GFAP: variants seen among roughly 807,000 people sequenced by gnomAD.
The protein encoded by GFAP is glial fibrillary acidic protein, also known as intermediate filament protein.
In GFAP, 38 loss-of-function variants were observed where a neutral mutation model predicts 49.3. The ratio of observed to expected loss-of-function variants is 0.77; its 90% CI spans 0.60 to 1.01. GFAP has a LOEUF of 1.01. Among genes scored for constraint, GFAP ranks in the 50% least tolerant of loss-of-function variants. The pLI is 0.00. For synonymous variants in GFAP, 222 were observed against 236.4 expected, an observed-to-expected ratio of 0.94 and a Z score of 0.56; for missense variants, 463 against 579.1, an observed-to-expected ratio of 0.80 and a Z score of 2.06.
In GFAP at chr17:44,904,077, A is replaced by G. The variant is rs1418773868; in HGVS notation, c.*3270T>C. 6.4e-7 allele frequency: 1 copy of G among 1,550,624 alleles called. No individual in the cohort carries two copies. Among genetic ancestry groups the G allele is most frequent in the South Asian group, 1.2e-5 (1 of 84,068 alleles). The stretch of plus-strand genomic sequence containing the variant: ...CACACCAAAGTGCTGACGGACTTTG[A>G]TGGGCGGGTGCTGACGGAGGCAGCC... On this transcript the variant is annotated 3_prime_UTR_variant, in exon 9 of 9. Transcript: ENST00000588735.
chr17:44,911,522 C>T (rs2051766408), intron 5 of GFAP, 66 bp from the exon 6 acceptor site: 1 of 1,538,206 alleles, frequency 6.5e-7, no homozygotes, highest in Non-Finnish European at 8.8e-7. Flanking sequence ...CGAGGCCCGG[C>T]CCCCGGCCCC....
chr17:44,913,459 G>A, intron 3 of GFAP, 29 bp from the exon 4 acceptor site: 2 of 1,604,550 alleles, frequency 1.2e-6, no homozygotes, highest in Non-Finnish European at 1.7e-6. Context: ...GCGGTACCAG[G>A]GCTCAGGGTA....
intron 5 of GFAP, 88 bp downstream of exon 5, chr17:44,911,584 G>C: frequency 6.3e-7 from 1 of 1,585,456 alleles, no homozygotes; most frequent in Admixed American, 1.7e-5. Context: ...CTCGACCCAG[G>C]TCCTCGTCCC....
chr17:44,904,604 T>C lies in GFAP; in HGVS notation c.*2743A>G, dbSNP rs2051622209. 7.1e-6 allele frequency: 11 copies of C among 1,550,466 alleles called. No homozygotes were observed. The East Asian group carries it at 2.7e-4, about 38-fold the overall frequency. Reference sequence around the variant, plus strand: ...GGAGGGCGTGCTGGCCATCATTAACTATGTGTCCAAAGTGGGCAGCCGGCC... The same window carrying C: ...GGAGGGCGTGCTGGCCATCATTAACCATGTGTCCAAAGTGGGCAGCCGGCC... On this transcript the variant is annotated 3_prime_UTR_variant, in exon 9 of 9. Transcript: ENST00000588735.
rs756953749 is a variant in GFAP at position 44,904,357 on chromosome 17, C to T, written c.*2990G>A. On this transcript the variant is annotated 3_prime_UTR_variant, in exon 9 of 9. Transcript: ENST00000588735. ...TCTTCACCACCTTCTGGGAATGGAC[C>T]CCCTGTGACCGCTGCGGAGTGCGTG... is the stretch of plus-strand genomic sequence containing the variant. The T allele has an allele frequency of 3.0e-5, 46 of 1,542,892 alleles. No homozygotes were observed. Among genetic ancestry groups the T allele is most frequent in the Admixed American group, 2.6e-4 (13 of 50,502 alleles).
chr17:44,908,179 T>C (rs1463714317), intron 7 of GFAP, 30 bp from the exon 8 acceptor site: 2 of 1,502,538 alleles, frequency 1.3e-6, no homozygotes, highest in South Asian at 2.3e-5. Context: ...AGGCCTCTCA[T>C]GGACTTTCAG....
chr17:44,911,441 T>C lies in GFAP; in HGVS notation c.922A>G (p.Arg308Gly). 5.6e-6 allele frequency: 9 copies of C among 1,609,296 alleles called. No homozygotes were observed. Among genetic ancestry groups the C allele is most frequent in the Non-Finnish European group, 7.6e-6 (9 of 1,178,290 alleles). The change falls in exon 6 of 9, where the codon AGG (arginine) becomes GGG (glycine). Residue 308 changes from arginine (R) to glycine (G), a missense_variant. Around this residue, in one of 3 missense-constraint regions of GFAP, gnomAD observed 362 missense variants for 445.5 expected, o/e 0.81. Transcript: ENST00000588735. ...CGCTCCTCCTGCTCGCGCATCTGCC[T>C]CTCCAGGGACTCGTTCTGTGGGATG... ...SLRGTNESLE[R>G]QMREQEERHV...
chr17:44,908,301 C>T (rs1410326388), intron 7 of GFAP, 152 bp from the exon 8 acceptor site: 20 of 511,644 alleles, frequency 3.9e-5, no homozygotes, highest in Non-Finnish European at 2.5e-5. Flanking sequence ...TCCAAACGGG[C>T]TGGAGAGCCC....
rs2051598116 is a variant in GFAP, at chr17:44,903,547, G to A, written c.*3800C>T. 1.5e-6 allele frequency: 2 copies of A among 1,351,996 alleles called. No individual in the cohort carries two copies. The highest frequency in any genetic ancestry group is 5.5e-5 in the East Asian group (2 of 36,204). 83.7% of individuals were successfully genotyped at this position (1,351,996 alleles called of 1,614,324 possible). A position where few individuals can be genotyped will look rare whatever the true frequency, so the allele number is the denominator to read the frequency against. ...GGTTTCCTTTGACCCATTCTTGGGT[G>A]AGCGCCAGTGTTCTAGAAAGGGGAG... On this transcript the variant is annotated 3_prime_UTR_variant, in exon 9 of 9. Transcript: ENST00000588735.
In GFAP at chr17:44,911,250, C is replaced by G; in HGVS notation, c.1113G>C (p.Glu371Asp). ...TGAGGGCTCACCGGTTCTCCTCGCC[C>G]TCTAGCAGCTTCCTGTAGGTGGCGA... ...IEIATYRKLL[E>D]GEENRITIPV... The change falls in exon 6 of 9, where the codon GAG becomes GAC. Residue 371 changes from glutamate to aspartate, a missense_variant. Physicochemically the swap from Glu to Asp is conservative, Grantham distance 45. Transcript: ENST00000588735. 6.2e-7 allele frequency: 1 copy of G among 1,613,990 alleles called. No individual in the cohort carries two copies. The highest frequency in any genetic ancestry group is 8.5e-7 in the Non-Finnish European group (1 of 1,179,938).
rs761291672 is a variant in GFAP at position 44,913,819 on chromosome 17, G to A, written c.527C>T (p.Ala176Val). The A allele has an allele frequency of 1.3e-5, 21 of 1,613,208 alleles. 1 individual carries two copies. In the South Asian group the frequency reaches 2.2e-4, roughly 17 times the overall value. The change falls in exon 3 of 9, where the codon GCA becomes GTA. Residue 176 changes from alanine to valine, a missense_variant. By Grantham distance (64) the Ala-to-Val change is moderately conservative. Coordinates refer to ENST00000588735, the MANE Select transcript of GFAP (RefSeq NM_002055.5). The part of the protein sequence containing the change: ...ENNLAAYRQE[A>V]DEATLARLDL... ...CAGACGGGCCAGGGTGGCTTCATCT[G>A]CTTCCTGGAGTGGCAGGAGGGGTGA...
At position 44,904,265 on chromosome 17, in the gene GFAP, ATGG is replaced by A. The variant is rs1434693650; in HGVS notation, c.*3079_*3081del. On this transcript the variant is annotated 3_prime_UTR_variant, in exon 9 of 9. Coordinates refer to ENST00000588735, the MANE Select transcript of GFAP (RefSeq NM_002055.5). ...TGTGGACATCCAGAACAGTGAGGGA[ATGG>A]TGGCCACTTTCCAGGACAAGGGCCA... The A allele has an allele frequency of 3.9e-6, 6 of 1,550,258 alleles. No individual in the cohort carries two copies. Among genetic ancestry groups the A allele is most frequent in the African/African-American group, 1.4e-5 (1 of 73,058 alleles).
At chr17:44,912,745 A>T (rs141821428) in intron 4 of GFAP, 1 of 206,032 alleles carries the variant, frequency 4.9e-6, no homozygotes, top group East Asian at 1.1e-4. Flanking sequence ...CTCTACGGGC[A>T]CTATGTTTGG....
At chr17:44,911,880 C>T (rs1432237418) in intron 4 of GFAP, 83 bp from the exon 5 acceptor site, 1 of 1,468,184 alleles carries the variant, frequency 6.8e-7, no homozygotes, top group Non-Finnish European at 9.3e-7. Context: ...GAGCAGCACC[C>T]CAGTTAACCC....
At chr17:44,914,287 A>T in intron 1 of GFAP, 199 bp from the exon 2 acceptor site, 1 of 589,632 alleles carries the variant, frequency 1.7e-6, no homozygotes, top group Non-Finnish European at 3.0e-6. Flanking sequence ...GCCTTAACTC[A>T]TTACTAAGGT....
chr17:44,914,181 C>T, intron 1 of GFAP, 93 bp from the exon 2 acceptor site: 2 of 854,626 alleles, frequency 2.3e-6, no homozygotes, highest in Non-Finnish European at 3.9e-6. Flanking sequence ...TCACAGAGAC[C>T]ACCCCCACCC....
Position 44,915,412 on chromosome 17 carries a change from C to T in GFAP, c.75G>A (p.Leu25=), listed in dbSNP as rs373554043. The T allele has an allele frequency of 6.2e-7, 1 of 1,607,348 alleles. No individual in the cohort carries two copies. The highest frequency in any genetic ancestry group is 8.5e-7 in the Non-Finnish European group (1 of 1,176,330). ...CAGGACCCAGACGGCGGCCAGGAGC[C>T]AGGCCCCCCACCATCATCTCCCCTG... ...VSSGEMMVGG[L]APGRRLGPGT... is the part of the protein sequence containing the mutation. Residue 25 remains leucine (L), a synonymous_variant, in exon 1 of 9, where the codon CTG becomes CTA. Transcript: ENST00000588735. This position sits in a 1 kb window ranked among gnomAD's most constrained non-coding sequence, Gnocchi z 4.1.
Position 44,907,157 on chromosome 17 carries a change from C to A in GFAP, c.*190G>T. 1 of 640,004 alleles carries A rather than the reference C, an allele frequency of 1.6e-6. No homozygotes were observed. Among genetic ancestry groups the A allele is most frequent in the Non-Finnish European group, 2.8e-6 (1 of 351,982 alleles). The allele number at this position is 640,004 out of a possible 1,614,324, so 39.6% of individuals were successfully genotyped here. ...GGAGTTGCTGGGTGCTGGGTGGGTG[C>A]CGTCTGGCAGGCCTGATACTGACGG... On this transcript the variant is annotated 3_prime_UTR_variant, in exon 9 of 9. Coordinates refer to ENST00000588735, the MANE Select transcript of GFAP (RefSeq NM_002055.5).
Position 44,904,599 on chromosome 17 carries a change from TTAAC to T in GFAP, c.*2744_*2747del, listed in dbSNP as rs2051622095. On this transcript the variant is annotated 3_prime_UTR_variant, in exon 9 of 9. Transcript: ENST00000588735. ...ATCCGGGAGGGCGTGCTGGCCATCA[TTAAC>T]TATGTGTCCAAAGTGGGCAGCCGGC... 6.4e-7 allele frequency: 1 copy of T among 1,550,548 alleles called. No homozygotes were observed. Among genetic ancestry groups the T allele is most frequent in the Non-Finnish European group, 8.7e-7 (1 of 1,146,998 alleles).
Sources: allele counts gnomAD v4.1 joint callset, GRCh38; gene constraint gnomAD v4.1.1; regional missense constraint gnomAD v4.1.1; non-coding constraint Gnocchi (gnomAD v3.1); transcripts MANE v1.5; gene names NCBI Gene and HGNC (gene_info 2026-07-23, HGNC 2026-07-21).